Variants in PSMD1 observed in about 807,000 individuals in gnomAD.
The protein encoded by PSMD1 is proteasome 26S subunit, non-ATPase 1, also known as 26S proteasome non-ATPase regulatory subunit 1.
In PSMD1, 18 loss-of-function variants were observed where a neutral mutation model predicts 119.0. The ratio of observed to expected loss-of-function variants is 0.15; its 90% CI spans 0.10 to 0.22. The LOEUF is 0.22. Among genes scored for constraint, PSMD1 ranks in the 10% least tolerant of loss-of-function variants. The pLI is 1.00. For synonymous variants in PSMD1, 374 were observed against 396.6 expected (o/e 0.94, Z 0.68); for missense variants, 702 against 1,158.5 (o/e 0.61, Z 5.72).
At chr2:231,137,400 C>T (rs763281053) in intron 16 of PSMD1, among the ~76,000 whole-genome samples, 1 of 152,140 alleles carries the variant, frequency 6.6e-6, no homozygotes, top group Non-Finnish European at 1.5e-5. Context: ...CAGGCATGAG[C>T]CACTGTGCCC....
intron 16 of PSMD1, among the ~76,000 whole-genome samples, chr2:231,089,020 GAGA>G (rs1341623485): frequency 6.6e-6 from 1 of 152,224 alleles, no homozygotes; most frequent in East Asian, 1.9e-4. Flanking sequence ...GTGCTCCGGA[GAGA>G]AGATCAAAGC....
chr2:231,109,174 A>G (rs1231282138), intron 16 of PSMD1: 2 of 1,614,110 alleles, frequency 1.2e-6, no homozygotes, highest in African/African-American at 1.3e-5. Context: ...CTGTAGACAC[A>G]GTCAACCATG....
rs183793082 is a variant in PSMD1, at chr2:231,083,912, T to G, written c.1722+149T>G. On this transcript the variant is annotated intron_variant, in intron 14 of 24. Transcript: ENST00000308696. ...CAATGTATATGAAGCCTAATAGAAT[T>G]TAAGAAATAAAAGCACTGATTAGAA... 4.1e-5 allele frequency: 33 copies of G among 797,974 alleles called. No homozygotes were observed. The Admixed American group carries it at 5.2e-4, about 13-fold the overall frequency. The allele number at this position is 797,974 out of a possible 1,614,324, so 49.4% of individuals were successfully genotyped here.
At chr2:231,098,672 T>G (rs960399609) in intron 16 of PSMD1, among the ~76,000 whole-genome samples, 3 of 151,824 alleles carry the variant, frequency 2.0e-5, no homozygotes, top group African/African-American at 7.3e-5. Flanking sequence ...CCAGCGGGAG[T>G]AGAGCTTCTC....
At chr2:231,108,786 G>A (rs185920198) in intron 16 of PSMD1, 80 of 1,613,988 alleles carry the variant, frequency 5.0e-5, no homozygotes, top group Middle Eastern at 1.7e-4. Context: ...GTGATATATC[G>A]GCCAAATGCA....
At chr2:231,158,348 A>G (rs2125264294) in intron 19 of PSMD1, among the ~76,000 whole-genome samples, 1 of 152,236 alleles carries the variant, frequency 6.6e-6, no homozygotes, top group East Asian at 1.9e-4. Context: ...GTAGAGAAAA[A>G]TCTAGAGAGG....
Position 231,056,963 on chromosome 2 carries a change from C to G in PSMD1, c.-63C>G. On this transcript the variant is annotated 5_prime_UTR_variant, in exon 1 of 25. Coordinates refer to ENST00000308696, the MANE Select transcript of PSMD1 (RefSeq NM_002807.4). ...CGCGGTGAACTGAGCGGCCCCTGAG[C>G]TGACAGATACACTGCGCAGCTGGAA... 6.5e-7 allele frequency: 1 copy of G among 1,538,936 alleles called. No individual in the cohort carries two copies. The highest frequency in any genetic ancestry group is 8.7e-7 in the Non-Finnish European group (1 of 1,143,940).
chr2:231,058,853 C>G (rs1236085186), intron 1 of PSMD1, among the ~76,000 whole-genome samples: 1 of 152,118 alleles, frequency 6.6e-6, no homozygotes, highest in Non-Finnish European at 1.5e-5. Flanking sequence ...TTTGTCTCAA[C>G]TCAAATGTTA....
intron 16 of PSMD1, among the ~76,000 whole-genome samples, chr2:231,117,922 A>C (rs1308355639): frequency 6.6e-6 from 1 of 152,146 alleles, no homozygotes; most frequent in Admixed American, 6.5e-5. Context: ...TTTAAGGTAT[A>C]AATGTTGGTT....
chr2:231,170,485 C>G lies in PSMD1; in HGVS notation c.2716-81C>G. ...AAATCATTTAAGTAGTTTTAAAGTA[C>G]CATTTAACAAGTATTTACTCTAGAT... is the stretch of plus-strand genomic sequence containing the variant. On this transcript the variant is annotated intron_variant, in intron 23 of 24. Coordinates refer to ENST00000308696, the MANE Select transcript of PSMD1 (RefSeq NM_002807.4). The surrounding 1 kb of genome is among the most constrained non-coding windows in gnomAD (Gnocchi z 4.1). 1 of 1,360,006 alleles carries G rather than the reference C, an allele frequency of 7.4e-7. No homozygotes were observed. Among genetic ancestry groups the G allele is most frequent in the East Asian group, 2.5e-5 (1 of 40,262 alleles). The allele number at this position is 1,360,006 out of a possible 1,614,324, so 84.2% of individuals were successfully genotyped here.
In PSMD1 at chr2:231,165,912, A is replaced by G; in HGVS notation, c.2610A>G (p.Glu870=). 1 of 1,613,690 alleles carries G rather than the reference A, an allele frequency of 6.2e-7. No homozygotes were observed. Among genetic ancestry groups the G allele is most frequent in the Non-Finnish European group, 8.5e-7 (1 of 1,179,678 alleles). Residue 870 remains glutamate (E), a synonymous_variant, in exon 23 of 25, where the codon GAA becomes GAG. Transcript: ENST00000308696. Reference sequence around the variant, plus strand: ...AGGAGGAAAAAGAGAAGAAAAAAGAACCTGAGCCAAACTTCCAGTTATTGG... The same window carrying G: ...AGGAGGAAAAAGAGAAGAAAAAAGAGCCTGAGCCAAACTTCCAGTTATTGG... ...EKKEEKEKKK[E]PEPNFQLLDN...
At chr2:231,117,601 G>A (rs1402124394) in intron 16 of PSMD1, among the ~76,000 whole-genome samples, 1 of 152,100 alleles carries the variant, frequency 6.6e-6, no homozygotes, top group Admixed American at 6.6e-5. Flanking sequence ...ATATTTTATT[G>A]TTTAAAATGA....
At chr2:231,137,124 A>AT (rs1488993657) in intron 16 of PSMD1, among the ~76,000 whole-genome samples, 2 of 147,494 alleles carry the variant, frequency 1.4e-5, no homozygotes, top group Admixed American at 6.9e-5. Context: ...TTATTTATTT[A>AT]TTTTTTTCCT....
At position 231,076,904 on chromosome 2, in the gene PSMD1, GAAAT is replaced by G. The variant is rs145052106; in HGVS notation, c.943-125_943-122del. ...ATCTCAGTAGCATCTAATAAAGAAA[GAAAT>G]AAATTATCCTTTCTCTTAAAATGGA... On this transcript the variant is annotated intron_variant, in intron 8 of 24. Transcript: ENST00000308696. 1,006 of 745,922 alleles carry G rather than the reference GAAAT, an allele frequency of 1.3e-3. 21 individuals are homozygous for G. The East Asian group carries it at 0.034, about 25-fold the overall frequency. The allele number at this position is 745,922 out of a possible 1,614,324, so 46.2% of individuals were successfully genotyped here.
intron 4 of PSMD1, among the ~76,000 whole-genome samples, chr2:231,064,978 C>T (rs1693865060): frequency 6.6e-6 from 1 of 151,642 alleles, no homozygotes; most frequent in Non-Finnish European, 1.5e-5. Context: ...TTCTTATTAA[C>T]TGTACCTGAA....
chr2:231,138,950 TG>T lies in PSMD1; in HGVS notation c.1998+101del, dbSNP rs765724373. ...CAGCTGTAAAAATACAAGTGCAATG[TG>T]ATCTGTAAGAGTAAACTTGCCATAC... On this transcript the variant is annotated intron_variant, in intron 17 of 24. Coordinates refer to ENST00000308696, the MANE Select transcript of PSMD1 (RefSeq NM_002807.4). 7 of 883,488 alleles carry T rather than the reference TG, an allele frequency of 7.9e-6. No individual in the cohort carries two copies. In the South Asian group the frequency reaches 9.9e-5, roughly 12 times the overall value. The allele number at this position is 883,488 out of a possible 1,614,324, so 54.7% of individuals were successfully genotyped here.
At chr2:231,115,747 A>C (rs1162126160) in intron 16 of PSMD1, among the ~76,000 whole-genome samples, 6 of 152,088 alleles carry the variant, frequency 3.9e-5, no homozygotes, top group Non-Finnish European at 7.4e-5. Context: ...TTGAAATGTA[A>C]ATGTTATCTG....
intron 12 of PSMD1, among the ~76,000 whole-genome samples, chr2:231,080,927 G>C (rs1208298977): frequency 6.6e-6 from 1 of 152,056 alleles, no homozygotes; most frequent in East Asian, 1.9e-4. Context: ...TGGATCACCT[G>C]AAGTGAGGAG....
At chr2:231,081,192 CAATT>C (rs1405891040) in intron 12 of PSMD1, among the ~76,000 whole-genome samples, 3 of 147,318 alleles carry the variant, frequency 2.0e-5, no homozygotes, top group Admixed American at 6.8e-5. Flanking sequence ...GATGATGTCT[CAATT>C]AATAAGCCCC....
Sources: allele counts gnomAD v4.1 joint callset (sites outside exome capture counted in the v4.1 genomes callset), GRCh38; gene constraint gnomAD v4.1.1; non-coding constraint Gnocchi (gnomAD v3.1); transcripts MANE v1.5; gene names NCBI Gene and HGNC (gene_info 2026-07-23, HGNC 2026-07-21).